Variants in BRD1 observed in about 807,000 individuals in gnomAD.
The protein encoded by BRD1 is bromodomain-containing protein 1.
Under a neutral mutation model 107.7 loss-of-function variants are expected in BRD1, and 24 were observed. The observed-to-expected ratio is 0.22, with a 90% CI of 0.16 to 0.31. BRD1 has a LOEUF of 0.31. BRD1 is among the 10% of genes least tolerant of loss of function. The probability of loss-of-function intolerance (pLI) is 1.00; values close to 1 mark genes in which losing one functional copy is unlikely to be tolerated. For missense variants in BRD1, 1,279 were observed against 1,638.6 expected (o/e 0.78, Z 3.79); for synonymous variants, 744 against 686.1 (o/e 1.08, Z -1.32).
In BRD1 at chr22:49,823,877, G is replaced by T; in HGVS notation, c.441C>A (p.Ala147=). Residue 147 remains alanine (A), a synonymous_variant, in exon 2 of 13, where the codon GCC becomes GCA. Coordinates refer to ENST00000404760, the MANE Select transcript of BRD1 (RefSeq NM_001304808.3). Reference sequence around the variant, plus strand: ...ACTCCACCTCGTTGTCCAGTTCCTCGGCCGACTTCTCGATGAACTTGTAGT... The same window carrying T: ...ACTCCACCTCGTTGTCCAGTTCCTCTGCCGACTTCTCGATGAACTTGTAGT... ...PVYYKFIEKS[A]EELDNEVEYD... The T allele has an allele frequency of 6.2e-7, 1 of 1,614,170 alleles. No homozygotes were observed.
At chr22:49,811,409 A>T (rs1043395048) in intron 2 of BRD1, among the ~76,000 whole-genome samples, 5 of 152,180 alleles carry the variant, frequency 3.3e-5, no homozygotes, top group African/African-American at 1.2e-4. Flanking sequence ...TGTGTGAATG[A>T]CAAGAGTCCC....
At position 49,823,685 on chromosome 22, in the gene BRD1, G is replaced by A. The variant is rs200680842; in HGVS notation, c.633C>T (p.Ile211=). Residue 211 remains isoleucine (I), a synonymous_variant, in exon 2 of 13, where the codon ATC becomes ATT. Coordinates refer to ENST00000404760, the MANE Select transcript of BRD1 (RefSeq NM_001304808.3). ...AGATGCAGCACACGGCGTCCTCGTC[G>A]ATCAGAGACTGCTGCTCGCCCTGCT... ...NQKQGEQQSL[I]DEDAVCCICM... 13 of 1,613,556 alleles carry A rather than the reference G, an allele frequency of 8.1e-6. No individual in the cohort carries two copies. The highest frequency in any genetic ancestry group is 1.3e-5 in the African/African-American group (1 of 75,072).
intron 2 of BRD1, chr22:49,817,464 T>A: frequency 6.5e-6 from 1 of 153,412 alleles, no homozygotes; most frequent in African/African-American, 2.4e-5. Context: ...AACTCCATCA[T>A]GTGCACCAAG....
At chr22:49,826,066 G>A (rs1379535752) in intron 1 of BRD1, 3 of 629,212 alleles carry the variant, frequency 4.8e-6, no homozygotes, top group Non-Finnish European at 5.9e-6. Flanking sequence ...TGACACCACA[G>A]CCTGCAGAGA....
intron 2 of BRD1, among the ~76,000 whole-genome samples, chr22:49,810,676 T>G (rs370721450): frequency 6.6e-6 from 1 of 152,138 alleles, no homozygotes; most frequent in East Asian, 1.9e-4. Context: ...GAACAGACAT[T>G]TCTCCAAAGA....
Position 49,787,718 on chromosome 22 carries a change from C to T in BRD1, c.2529G>A (p.Gln843=). The T allele has an allele frequency of 6.4e-7, 1 of 1,550,844 alleles. No individual in the cohort carries two copies. The highest frequency in any genetic ancestry group is 8.7e-7 in the Non-Finnish European group (1 of 1,147,050). ...GAGGGCGTCCGCTTACCAGTGCGCT[C>T]TGAGTGCAAGCGCTATGTGATTCAT... ...FDNESHSACT[Q]SALVSGRPPE... is the part of the protein sequence containing the mutation. Residue 843 remains glutamine, a synonymous_variant, in exon 8 of 13, where the codon CAG becomes CAA. Coordinates refer to ENST00000404760, the MANE Select transcript of BRD1 (RefSeq NM_001304808.3).
intron 2 of BRD1, among the ~76,000 whole-genome samples, chr22:49,816,867 C>A (rs912403247): frequency 6.6e-6 from 1 of 152,242 alleles, no homozygotes; most frequent in Non-Finnish European, 1.5e-5. Context: ...CTCTGGACTG[C>A]GGGGGCCAAG....
intron 2 of BRD1, chr22:49,818,270 G>C: frequency 1.6e-6 from 2 of 1,274,406 alleles, no homozygotes; most frequent in South Asian, 1.3e-5. Context: ...TCTCGTAGTA[G>C]AGGAGCTCCT....
chr22:49,776,090 A>G lies in BRD1; in HGVS notation c.3191T>C (p.Val1064Ala). 6.3e-7 allele frequency: 1 copy of G among 1,598,090 alleles called. No individual in the cohort carries two copies. The highest frequency in any genetic ancestry group is 8.5e-7 in the Non-Finnish European group (1 of 1,176,498). ...AASVLEPLKV[V>A]WAKCSGYPSY... ...GGGGTAGCCGCTGCACTTGGCCCAC[A>G]CCACCTTCAGAGGCTCCAGCACCGA... is the stretch of plus-strand genomic sequence containing the variant. The change falls in exon 11 of 13, where the codon GTG becomes GCG. Residue 1064 changes from valine (V) to alanine (A), a missense_variant. Physicochemically the swap from Val to Ala is moderately conservative, Grantham distance 64. Transcript: ENST00000404760.
At chr22:49,785,484 C>G (rs1421675714) in intron 8 of BRD1, among the ~76,000 whole-genome samples, 1 of 152,236 alleles carries the variant, frequency 6.6e-6, no homozygotes, top group Non-Finnish European at 1.5e-5. Context: ...GTGCACAGCA[C>G]CCTGACCCGA....
In BRD1 at chr22:49,792,190, C is replaced by T. The variant is rs2059448805; in HGVS notation, c.2359+1844G>A. Among the ~76,000 whole-genome samples, 1 of 151,644 alleles carries T rather than the reference C, an allele frequency of 6.6e-6. No homozygotes were observed. The highest frequency in any genetic ancestry group is 2.4e-5 in the African/African-American group (1 of 41,172). On this transcript the variant is annotated intron_variant, in intron 7 of 12. Coordinates refer to ENST00000404760, the MANE Select transcript of BRD1 (RefSeq NM_001304808.3). This position sits in a 1 kb window ranked among gnomAD's most constrained non-coding sequence, Gnocchi z 4.2. Reference sequence around the variant, plus strand: ...GGAAGCCACTGATAAAAAAAAAAAGCTAAAAAGGTAACTTACTGCTCTACA... The same window carrying T: ...GGAAGCCACTGATAAAAAAAAAAAGTTAAAAAGGTAACTTACTGCTCTACA...
chr22:49,816,979 A>G (rs1208508959), intron 2 of BRD1, among the ~76,000 whole-genome samples: 2 of 152,224 alleles, frequency 1.3e-5, no homozygotes, highest in Non-Finnish European at 2.9e-5. Flanking sequence ...AGGGAAGAGA[A>G]CTGCCGGACC....
chr22:49,775,930 GC>G (rs916537024), intron 11 of BRD1, 119 bp downstream of exon 11: 8 of 756,944 alleles, frequency 1.1e-5, no homozygotes, highest in African/African-American at 5.8e-5. Flanking sequence ...GACCAACCCC[GC>G]CCCCCCGCCA....
rs1444932839 is a variant in BRD1 at position 49,827,545 on chromosome 22, G to T, written c.-63C>A. On this transcript the variant is annotated 5_prime_UTR_variant, in exon 1 of 13. Transcript: ENST00000404760. ...AGCCCGGCAAGCGGGCGGGCGCGGG[G>T]GCCGGCGCGGCCGAGGCGGTGCTAA... 2.8e-5 allele frequency: 4 copies of T among 143,848 alleles called. No homozygotes were observed. The highest frequency in any genetic ancestry group is 6.2e-5 in the Non-Finnish European group (4 of 64,932). 8.9% of individuals were successfully genotyped at this position (143,848 alleles called of 1,614,324 possible).
chr22:49,813,486 T>G (rs1033243098), intron 2 of BRD1, among the ~76,000 whole-genome samples: 12 of 150,172 alleles, frequency 8.0e-5, no homozygotes, highest in Middle Eastern at 3.2e-3. Flanking sequence ...CCTCTCAAAG[T>G]GCTGGGATTA....
In BRD1 at chr22:49,822,957, G is replaced by T. The variant is rs539096139; in HGVS notation, c.1361C>A (p.Pro454Gln). Residue 454 changes from proline to glutamine, a missense_variant, in exon 2 of 13, where the codon CCG becomes CAG. This residue lies in a region of BRD1 where 87 missense variants were observed against 77.1 expected (regional missense o/e 1.13). Transcript: ENST00000404760. ...AATGCTTGGACACGCTTACCTCTGC[G>T]GGGGAATATAAGGAGCGCACACGGT... ...LPTVCAPYIP[P>Q]QRLNRIANQV... 1.9e-6 allele frequency: 3 copies of T among 1,613,796 alleles called. No homozygotes were observed. The highest frequency in any genetic ancestry group is 2.5e-6 in the Non-Finnish European group (3 of 1,179,820).
chr22:49,785,958 G>A (rs529067176), intron 8 of BRD1, among the ~76,000 whole-genome samples: 1 of 152,300 alleles, frequency 6.6e-6, no homozygotes, highest in Admixed American at 6.5e-5. Context: ...ATGTGAGGGA[G>A]TGGCCTGGGC....
chr22:49,794,295 C>G lies in BRD1; in HGVS notation c.2099-1G>C. 6.2e-7 allele frequency: 1 copy of G among 1,607,240 alleles called. No individual in the cohort carries two copies. The highest frequency in any genetic ancestry group is 8.5e-7 in the Non-Finnish European group (1 of 1,175,822). The stretch of plus-strand genomic sequence containing the variant: ...TTGGCGGGGTCCAGCAACCTGTCCA[C>G]TGAACCAAAGGACACATGCTGTCAG... On this transcript the variant is annotated splice_acceptor_variant, in intron 6 of 12. Coordinates refer to ENST00000404760, the MANE Select transcript of BRD1 (RefSeq NM_001304808.3). LOFTEE classifies it high-confidence loss of function.
intron 7 of BRD1, among the ~76,000 whole-genome samples, chr22:49,790,700 C>T (rs569212636): frequency 2.0e-5 from 3 of 152,344 alleles, no homozygotes; most frequent in East Asian, 3.9e-4. Context: ...TTTCAGCTCA[C>T]GAGCAGCAAC....
Sources: allele counts gnomAD v4.1 joint callset (sites outside exome capture counted in the v4.1 genomes callset), GRCh38; gene constraint gnomAD v4.1.1; regional missense constraint gnomAD v4.1.1; non-coding constraint Gnocchi (gnomAD v3.1); transcripts MANE v1.5; gene names NCBI Gene and HGNC (gene_info 2026-07-23, HGNC 2026-07-21).